FOSB: variants seen among roughly 807,000 people sequenced by gnomAD.
FOSB encodes protein FosB.
In FOSB, 8 loss-of-function variants were observed where a neutral mutation model predicts 31.1. The ratio of observed to expected loss-of-function variants is 0.26; its 90% confidence interval spans 0.15 to 0.46. The LOEUF is 0.46. FOSB is among the 20% of genes least tolerant of loss of function. The pLI is 0.99. For missense variants in FOSB, 376 were observed against 460.6 expected (o/e 0.82, Z 1.68); for synonymous variants, 214 against 206.1 (o/e 1.04, Z -0.33).
At position 45,468,447 on chromosome 19, in the gene FOSB, C is replaced by T; in HGVS notation, c.-140C>T. ...TCCTTCCCCGAGCTTCCCCGGACAG[C>T]GTACTTTGAGGACTCGCTCAGCTCA... On this transcript the variant is annotated 5_prime_UTR_variant, in exon 1 of 4. Coordinates refer to ENST00000353609, the MANE Select transcript of FOSB (RefSeq NM_006732.3). The surrounding 1 kb of genome is among the most constrained non-coding windows in gnomAD (Gnocchi z 4.8). 1 of 872,340 alleles carries T rather than the reference C, an allele frequency of 1.1e-6. No homozygotes were observed. The highest frequency in any genetic ancestry group is 2.6e-5 in the East Asian group (1 of 39,162). 54.0% of individuals were successfully genotyped at this position (872,340 alleles called of 1,614,324 possible). A position where few individuals can be genotyped will look rare whatever the true frequency, so the allele number is the denominator to read the frequency against.
chr19:45,472,835 C>T lies in FOSB; in HGVS notation c.840C>T (p.Leu280=), dbSNP rs751040909. 1.2e-6 allele frequency: 2 copies of T among 1,614,244 alleles called. No individual in the cohort carries two copies. The change falls in exon 4 of 4, where the codon CTC becomes CTT. Residue 280 remains leucine (L), a synonymous_variant. Transcript: ENST00000353609. This position sits in a 1 kb window ranked among gnomAD's most constrained non-coding sequence, Gnocchi z 5.4. The part of the protein sequence containing the change: ...QDAPPNLTAS[L]FTHSEVQVLG... ...CACCCCCCAACCTGACGGCTTCTCT[C>T]TTTACACACAGTGAAGTTCAAGTCC...
chr19:45,473,276 AC>A lies in FOSB; in HGVS notation c.*269del. On this transcript the variant is annotated 3_prime_UTR_variant, in exon 4 of 4. Transcript: ENST00000353609. ...GACAGGGGGTGGGAAGGGGATGGAC[AC>A]CCCCAGCTGACTGTTGGCTCTCTGA... 5.0e-6 allele frequency: 1 copy of A among 199,062 alleles called. No individual in the cohort carries two copies. The allele number at this position is 199,062 out of a possible 1,614,324, so 12.3% of individuals were successfully genotyped here. A position where few individuals can be genotyped will look rare whatever the true frequency, so the allele number is the denominator to read the frequency against.
chr19:45,471,283 G>A lies in FOSB; in HGVS notation c.537G>A (p.Leu179=), dbSNP rs373321658. Residue 179 remains leucine (L), a synonymous_variant, in exon 3 of 4, where the codon CTG becomes CTA. Coordinates refer to ENST00000353609, the MANE Select transcript of FOSB (RefSeq NM_006732.3). ...AATGCAGGAACCGGCGGAGGGAGCT[G>A]ACCGACCGACTCCAGGCGGTGAGGA... ...AAKCRNRRRE[L]TDRLQAETDQ... is the part of the protein sequence containing the mutation. The A allele has an allele frequency of 1.3e-6, 2 of 1,563,724 alleles. No individual in the cohort carries two copies. Among genetic ancestry groups the A allele is most frequent in the East Asian group, 2.4e-5 (1 of 42,050 alleles).
rs555251473 is a variant in FOSB, at chr19:45,474,984, G to C, written c.*1972G>C. On this transcript the variant is annotated 3_prime_UTR_variant, in exon 4 of 4. Coordinates refer to ENST00000353609, the MANE Select transcript of FOSB (RefSeq NM_006732.3). The stretch of plus-strand genomic sequence containing the variant: ...GTATCTTTGACAATTCTGGGTGCGA[G>C]TGTGAGAGTGTGAGCAGGGCTTGCT... 6.6e-6 allele frequency: 1 copy of C among 152,248 alleles called. No individual in the cohort carries two copies. The highest frequency in any genetic ancestry group is 1.5e-5 in the Non-Finnish European group (1 of 68,062). The allele number at this position is 152,248 out of a possible 1,614,324, so 9.4% of individuals were successfully genotyped here.
chr19:45,471,430 G>T, intron 3 of FOSB, 129 bp downstream of exon 3: 2 of 688,414 alleles, frequency 2.9e-6, no homozygotes, highest in South Asian at 3.5e-5. Flanking sequence ...ACTAGGTACT[G>T]CTGTGGCCAG....
chr19:45,470,713 G>C lies in FOSB; in HGVS notation c.211G>C (p.Val71Leu). ...ITTSQDLQWL[V>L]QPTLISSMAQ... ...AACCAGCCAGGACCTCCAGTGGCTT[G>C]TGCAACCCACCCTCATCTCTTCCAT... The change falls in exon 2 of 4, where the codon GTG becomes CTG. Residue 71 changes from valine to leucine, a missense_variant. Val to Leu is a conservative substitution (Grantham distance 32). Transcript: ENST00000353609. 6.2e-7 allele frequency: 1 copy of C among 1,601,952 alleles called. No homozygotes were observed.
In FOSB at chr19:45,472,733, G is replaced by C. The variant is rs576246538; in HGVS notation, c.738G>C (p.Pro246=). 1.9e-6 allele frequency: 3 copies of C among 1,613,654 alleles called. No individual in the cohort carries two copies. The South Asian group carries it at 3.3e-5, about 18-fold the overall frequency. ...TGAGAGATTTGCCGGGCTCAGCACC[G>C]GCTAAGGAAGATGGCTTCAGCTGGC... ...AEVRDLPGSA[P]AKEDGFSWLL... is the part of the protein sequence containing the mutation. Residue 246 remains proline (P), a synonymous_variant, in exon 4 of 4, where the codon CCG becomes CCC. Transcript: ENST00000353609. The surrounding 1 kb of genome is among the most constrained non-coding windows in gnomAD (Gnocchi z 5.4).
rs1273581346 is a variant in FOSB, at chr19:45,468,287, G to A, written c.-300G>A. 1 of 271,766 alleles carries A rather than the reference G, an allele frequency of 3.7e-6. No homozygotes were observed. Among genetic ancestry groups the A allele is most frequent in the Non-Finnish European group, 7.0e-6 (1 of 143,190 alleles). 16.8% of individuals were successfully genotyped at this position (271,766 alleles called of 1,614,324 possible). ...CAGCGGGACAGCGCTTTCTGCCCCT[G>A]GGGGAGCAACCCCTCCCTCGCCCCT... On this transcript the variant is annotated 5_prime_UTR_variant, in exon 1 of 4. Transcript: ENST00000353609. This position sits in a 1 kb window ranked among gnomAD's most constrained non-coding sequence, Gnocchi z 4.8.
intron 3 of FOSB, chr19:45,471,548 C>T (rs1009719812): frequency 2.4e-5 from 8 of 340,298 alleles, no homozygotes; most frequent in Non-Finnish European, 4.3e-5. Context: ...TTCATTTCAT[C>T]CCAAGGGGCC....
In FOSB at chr19:45,472,400, C is replaced by A. The variant is rs1967709953; in HGVS notation, c.556-151C>A. 6.9e-6 allele frequency: 4 copies of A among 577,878 alleles called. No homozygotes were observed. The highest frequency in any genetic ancestry group is 6.0e-6 in the Non-Finnish European group (2 of 336,060). 35.8% of individuals were successfully genotyped at this position (577,878 alleles called of 1,614,324 possible). ...ACCCTTGCCCCAACTCCCATGGCCA[C>A]CAGGACTCCATCTCAGGAGGTGTTT... On this transcript the variant is annotated intron_variant, in intron 3 of 3. Transcript: ENST00000353609. The surrounding 1 kb of genome is among the most constrained non-coding windows in gnomAD (Gnocchi z 5.4).
chr19:45,473,306 C>A lies in FOSB; in HGVS notation c.*294C>A. ...CAGCTGACTGTTGGCTCTCTGACGT[C>A]AACCCAAGCTCTGGGGATGGGTGGG... On this transcript the variant is annotated 3_prime_UTR_variant, in exon 4 of 4. Transcript: ENST00000353609. 1 of 252,368 alleles carries A rather than the reference C, an allele frequency of 4.0e-6. No homozygotes were observed. The highest frequency in any genetic ancestry group is 7.6e-6 in the Non-Finnish European group (1 of 131,004). 15.6% of individuals were successfully genotyped at this position (252,368 alleles called of 1,614,324 possible).
intron 1 of FOSB, among the ~76,000 whole-genome samples, chr19:45,469,720 C>A (rs1048399262): frequency 2.0e-5 from 3 of 152,208 alleles, no homozygotes; most frequent in Admixed American, 1.3e-4. Context: ...ACTCCCTCTG[C>A]TCCTCATGCC....
chr19:45,471,247 A>G lies in FOSB; in HGVS notation c.501A>G (p.Leu167=). ...GGGTGCGCCGGGAACGAAATAAACT[A>G]GCAGCAGCTAAATGCAGGAACCGGC... The part of the protein sequence containing the change: ...KRRVRRERNK[L]AAAKCRNRRR... The change falls in exon 3 of 4, where the codon CTA becomes CTG. Residue 167 remains leucine, a synonymous_variant. Transcript: ENST00000353609. The G allele has an allele frequency of 6.4e-7, 1 of 1,572,124 alleles. No individual in the cohort carries two copies. Among genetic ancestry groups the G allele is most frequent in the South Asian group, 1.2e-5 (1 of 85,488 alleles).
Position 45,470,924 on chromosome 19 carries a change from G to C in FOSB, c.422G>C (p.Arg141Pro). The change falls in exon 2 of 4, where the codon CGG becomes CCG. Residue 141 changes from arginine to proline, a missense_variant. Around this residue, in one of 3 missense-constraint regions of FOSB, gnomAD observed 193 missense variants for 207.1 expected, o/e 0.93. Transcript: ENST00000353609. ...GGGCCTGCCCGCCCAGCCCGAGCCCGGCCTAGGAGACCCCGAGAGGAGACG... is the reference window on the plus strand; with the variant it reads ...GGGCCTGCCCGCCCAGCCCGAGCCCCGCCTAGGAGACCCCGAGAGGAGACG... ...GPGPARPARA[R>P]PRRPREETLT... is the part of the protein sequence containing the mutation. The C allele has an allele frequency of 1.9e-6, 3 of 1,612,806 alleles. No individual in the cohort carries two copies. The highest frequency in any genetic ancestry group is 1.3e-5 in the African/African-American group (1 of 75,024).
At chr19:45,469,692 A>G (rs1178091135) in intron 1 of FOSB, among the ~76,000 whole-genome samples, 2 of 152,162 alleles carry the variant, frequency 1.3e-5, no homozygotes, top group Middle Eastern at 3.4e-3. Flanking sequence ...TTCTCCAGGC[A>G]CACACAGACA....
Position 45,472,104 on chromosome 19 carries a change from A to G in FOSB, c.556-447A>G, listed in dbSNP as rs1241279187. ...AAATTAGTTGGGCATGGTGGTGCAC[A>G]CCACTGTGGTCCCAGCTACTATGGA... On this transcript the variant is annotated intron_variant, in intron 3 of 3. Transcript: ENST00000353609. This position sits in a 1 kb window ranked among gnomAD's most constrained non-coding sequence, Gnocchi z 5.4. The G allele has an allele frequency of 6.5e-6, 1 of 153,846 alleles. No homozygotes were observed. The highest frequency in any genetic ancestry group is 1.4e-5 in the Non-Finnish European group (1 of 69,296). 9.5% of individuals were successfully genotyped at this position (153,846 alleles called of 1,614,324 possible).
Position 45,473,173 on chromosome 19 carries a change from G to A in FOSB, c.*161G>A, listed in dbSNP as rs28381251. ...CTGCGGCCACTGCGCCACTGCCATC[G>A]GACAGGAGGATTCCTTGTGTTTTGT... On this transcript the variant is annotated 3_prime_UTR_variant, in exon 4 of 4. Coordinates refer to ENST00000353609, the MANE Select transcript of FOSB (RefSeq NM_006732.3). 3.1e-6 allele frequency: 2 copies of A among 643,292 alleles called. No individual in the cohort carries two copies. Among genetic ancestry groups the A allele is most frequent in the Middle Eastern group, 4.1e-4 (1 of 2,468 alleles). 39.8% of individuals were successfully genotyped at this position (643,292 alleles called of 1,614,324 possible).
rs1967801849 is a variant in FOSB, at chr19:45,475,048, C to T, written c.*2036C>T. The T allele has an allele frequency of 6.6e-6, 1 of 152,526 alleles. No homozygotes were observed. Among genetic ancestry groups the T allele is most frequent in the African/African-American group, 2.4e-5 (1 of 41,442 alleles). 9.4% of individuals were successfully genotyped at this position (152,526 alleles called of 1,614,324 possible). ...ATTCAATGAATCCCCGACCCCCCTA[C>T]CCCATGCTGTACTTGTGGTTCTCTT... On this transcript the variant is annotated 3_prime_UTR_variant, in exon 4 of 4. Coordinates refer to ENST00000353609, the MANE Select transcript of FOSB (RefSeq NM_006732.3).
chr19:45,468,439 C>T lies in FOSB; in HGVS notation c.-148C>T. 2.4e-6 allele frequency: 2 copies of T among 835,928 alleles called. No homozygotes were observed. Among genetic ancestry groups the T allele is most frequent in the Non-Finnish European group, 3.8e-6 (2 of 529,306 alleles). 51.8% of individuals were successfully genotyped at this position (835,928 alleles called of 1,614,324 possible). ...GACGTTGCTCCTTCCCCGAGCTTCCCCGGACAGCGTACTTTGAGGACTCGC... is the reference window on the plus strand; with the variant it reads ...GACGTTGCTCCTTCCCCGAGCTTCCTCGGACAGCGTACTTTGAGGACTCGC... On this transcript the variant is annotated 5_prime_UTR_variant, in exon 1 of 4. Transcript: ENST00000353609. The surrounding 1 kb of genome is among the most constrained non-coding windows in gnomAD (Gnocchi z 4.8).
Sources: allele counts gnomAD v4.1 joint callset (sites outside exome capture counted in the v4.1 genomes callset), GRCh38; gene constraint gnomAD v4.1.1; regional missense constraint gnomAD v4.1.1; non-coding constraint Gnocchi (gnomAD v3.1); transcripts MANE v1.5; gene names NCBI Gene and HGNC (gene_info 2026-07-23, HGNC 2026-07-21).